The following COMMD1 variants were observed in gnomAD, a reference collection of about 807,000 sequenced individuals.
COMMD1 encodes the protein copper metabolism domain containing 1, also known as COMM domain-containing protein 1.
A neutral mutation model predicts 17.2 loss-of-function variants in COMMD1; 10 were observed. The observed-to-expected ratio is 0.58, with a 90% CI of 0.36 to 0.99. COMMD1 has a LOEUF of 0.99. COMMD1 is among the 50% of genes least tolerant of loss of function. The probability of loss-of-function intolerance (pLI) is 0.01; values close to 1 mark genes in which losing one functional copy is unlikely to be tolerated. For synonymous variants in COMMD1, 97 were observed against 91.6 expected (o/e 1.06, Z -0.34); for missense variants, 270 against 231.8 (o/e 1.17, Z -1.07).
At chr2:61,956,371 A>T (rs964130534) in intron 1 of COMMD1, among the ~76,000 whole-genome samples, 2 of 151,984 alleles carry the variant, frequency 1.3e-5, no homozygotes, top group Non-Finnish European at 2.9e-5. Context: ...AATTGTTCAG[A>T]TGCATTAAAT....
intron 2 of COMMD1, among the ~76,000 whole-genome samples, chr2:62,057,140 A>G (rs896398235): frequency 2.6e-5 from 4 of 152,154 alleles, no homozygotes; most frequent in Non-Finnish European, 5.9e-5. Context: ...CCCACTGATT[A>G]TGCATTATGG....
rs188792730 is a variant in COMMD1, at chr2:61,985,936, T to G, written c.181-14765T>G. ...CCCAATACAGTATTAGAATATTCTGTGTTTTTTCATATATCTACTATTACC... is the reference window on the plus strand; with the variant it reads ...CCCAATACAGTATTAGAATATTCTGGGTTTTTTCATATATCTACTATTACC... On this transcript the variant is annotated intron_variant, in intron 1 of 2. Coordinates refer to ENST00000311832, the MANE Select transcript of COMMD1 (RefSeq NM_152516.4). Among the ~76,000 whole-genome samples the G allele has an allele frequency of 2.6e-3, 403 of 152,320 alleles. 1 individual carries two copies. The highest frequency in any genetic ancestry group is 8.5e-3 in the African/African-American group (355 of 41,582).
intron 2 of COMMD1, among the ~76,000 whole-genome samples, chr2:62,113,475 C>A (rs62149949): frequency 0.12 from 18,252 of 152,174 alleles, 1,410 homozygotes; most frequent in Non-Finnish European, 0.18. Context: ...CCTCCACCTC[C>A]CAGGTTCAAG....
At chr2:62,097,323 G>C (rs113752688) in intron 2 of COMMD1, among the ~76,000 whole-genome samples, 3 of 152,046 alleles carry the variant, frequency 2.0e-5, no homozygotes, top group African/African-American at 4.8e-5. Flanking sequence ...TCAGGTCTTC[G>C]GGGCTATTGC....
intron 1 of COMMD1, among the ~76,000 whole-genome samples, chr2:61,955,472 T>G (rs1197195943): frequency 6.6e-6 from 1 of 152,160 alleles, no homozygotes; most frequent in African/African-American, 2.4e-5. Context: ...GTTTTCAGTT[T>G]TGATGAAGCT....
chr2:61,893,838 T>C (rs916575872), intron 1 of COMMD1, among the ~76,000 whole-genome samples: 11 of 150,026 alleles, frequency 7.3e-5, no homozygotes, highest in African/African-American at 2.4e-4. Context: ...TGAGAAAAAT[T>C]GCAAATTTGT....
intron 1 of COMMD1, among the ~76,000 whole-genome samples, chr2:61,917,797 C>G (rs866807565): frequency 6.6e-6 from 1 of 152,342 alleles, no homozygotes; most frequent in African/African-American, 2.4e-5. Flanking sequence ...TCCCAAAGTG[C>G]TGGGATTACA....
chr2:62,028,333 C>T (rs1211593753), intron 2 of COMMD1, among the ~76,000 whole-genome samples: 1 of 152,144 alleles, frequency 6.6e-6, no homozygotes, highest in Non-Finnish European at 1.5e-5. Context: ...TCTGAACTAT[C>T]ACTGGGTAGG....
chr2:62,068,286 A>G (rs571989509), intron 2 of COMMD1, among the ~76,000 whole-genome samples: 4 of 152,366 alleles, frequency 2.6e-5, no homozygotes, highest in Admixed American at 2.6e-4. Flanking sequence ...ACATTGACTC[A>G]AAATGGATCA....
chr2:61,979,683 A>G (rs550629532), intron 1 of COMMD1, among the ~76,000 whole-genome samples: 8 of 152,148 alleles, frequency 5.3e-5, no homozygotes, highest in African/African-American at 1.9e-4. Flanking sequence ...AACAGTGTAC[A>G]AGGGTTCCCT....
intron 2 of COMMD1, among the ~76,000 whole-genome samples, chr2:62,083,965 G>A (rs1369983762): frequency 4.6e-5 from 7 of 152,274 alleles, no homozygotes; most frequent in African/African-American, 1.7e-4. Flanking sequence ...AGTCTGATTG[G>A]CTACTGAAAT....
At chr2:61,941,565 C>T (rs1670748592) in intron 1 of COMMD1, among the ~76,000 whole-genome samples, 1 of 152,134 alleles carries the variant, frequency 6.6e-6, no homozygotes, top group Non-Finnish European at 1.5e-5. Flanking sequence ...ATCTGCGGTG[C>T]TCTACTTGGT....
At chr2:62,124,296 C>T (rs540699047) in intron 2 of COMMD1, among the ~76,000 whole-genome samples, 6 of 152,108 alleles carry the variant, frequency 3.9e-5, no homozygotes, top group Admixed American at 6.5e-5. Context: ...AAGACTCCAT[C>T]TCAGTAAATA....
At chr2:62,025,589 G>A (rs1310684805) in intron 2 of COMMD1, among the ~76,000 whole-genome samples, 1 of 152,116 alleles carries the variant, frequency 6.6e-6, no homozygotes, top group African/African-American at 2.4e-5. Flanking sequence ...GTAGAGAACG[G>A]ATGCTAAGTC....
At chr2:62,134,095 C>T (rs1673120375) in intron 2 of COMMD1, among the ~76,000 whole-genome samples, 1 of 152,172 alleles carries the variant, frequency 6.6e-6, no homozygotes, top group South Asian at 2.1e-4. Context: ...AGCCACCATG[C>T]CTGGCCTGGC....
chr2:61,963,072 A>G (rs998185570), intron 1 of COMMD1, among the ~76,000 whole-genome samples: 17 of 151,724 alleles, frequency 1.1e-4, no homozygotes, highest in Admixed American at 7.2e-4. Context: ...AGGCAGGAGA[A>G]TCACTTGAAC....
At chr2:61,988,293 A>G (rs1672157522) in intron 1 of COMMD1, among the ~76,000 whole-genome samples, 1 of 152,066 alleles carries the variant, frequency 6.6e-6, no homozygotes, top group South Asian at 2.1e-4. Context: ...CATGTTTCAT[A>G]GTCTCACTCA....
chr2:62,001,673 A>G (rs1393366755), intron 2 of COMMD1, among the ~76,000 whole-genome samples: 1 of 152,228 alleles, frequency 6.6e-6, no homozygotes, highest in Non-Finnish European at 1.5e-5. Flanking sequence ...AACCCAGGTC[A>G]ATGAATTAGC....
intron 1 of COMMD1, among the ~76,000 whole-genome samples, chr2:61,947,519 A>G (rs1313637080): frequency 6.6e-6 from 1 of 151,916 alleles, no homozygotes; most frequent in African/African-American, 2.4e-5. Context: ...CCCTGTCTCT[A>G]CTAAAAATAA....
Sources: gnomAD v4.1 joint callset for allele counts (sites outside exome capture counted in the v4.1 genomes callset) on GRCh38, gnomAD v4.1.1 for gene constraint, MANE v1.5 for transcripts, NCBI Gene and HGNC (gene_info 2026-07-23, HGNC 2026-07-21) for gene names.